Variants in AOX1 observed in about 807,000 individuals in gnomAD.
AOX1 encodes aldehyde oxidase 1, also known as aldehyde oxidase.
In AOX1, 153 loss-of-function variants were observed where a neutral mutation model predicts 169.5. That is an observed-to-expected ratio of 0.90 (90% CI 0.79 to 1.03). The LOEUF (loss-of-function observed/expected upper bound fraction) is 1.03, where lower values mean the gene tolerates loss of function less well. Among genes scored for constraint, AOX1 ranks in the 50% least tolerant of loss-of-function variants. The probability of loss-of-function intolerance (pLI) is 0.00; values close to 1 mark genes in which losing one functional copy is unlikely to be tolerated. For missense variants in AOX1, 1,656 were observed against 1,663.9 expected (o/e 1.00, Z 0.08); for synonymous variants, 562 against 581.9 (o/e 0.97, Z 0.49).
chr2:200,604,466 G>A (rs748132984), intron 8 of AOX1, among the ~76,000 whole-genome samples: 7 of 152,208 alleles, frequency 4.6e-5, no homozygotes, highest in African/African-American at 1.4e-4. Flanking sequence ...TGTTCTTTGA[G>A]ACAAGAGCAC....
downstream of AOX1, chr2:200,678,186 A>T (rs1435533211): frequency 6.6e-6 from 1 of 152,228 alleles, no homozygotes; most frequent in Non-Finnish European, 1.5e-5. Flanking sequence ...GGATACCAAA[A>T]GAATGCTATT....
At chr2:200,673,605 C>G (rs1275029714), downstream of AOX1, among the ~76,000 whole-genome samples, 2 of 152,224 alleles carry the variant, frequency 1.3e-5, no homozygotes, top group East Asian at 3.8e-4. Context: ...TCCTTCCAAC[C>G]ATTCTCACAT....
At chr2:200,617,513 A>T (rs1215937777) in intron 16 of AOX1, among the ~76,000 whole-genome samples, 1 of 146,678 alleles carries the variant, frequency 6.8e-6, no homozygotes, top group Non-Finnish European at 1.5e-5. Context: ...AAAATGTATG[A>T]TATCTTTGAC....
chr2:200,661,421 C>T (rs2035826898), intron 29 of AOX1, among the ~76,000 whole-genome samples, 158 bp from the exon 30 acceptor site: 1 of 152,210 alleles, frequency 6.6e-6, no homozygotes, highest in Non-Finnish European at 1.5e-5. Context: ...CCGTGAACCA[C>T]AGAGGAGAAA....
chr2:200,669,919 G>A (rs535964952), intron 34 of AOX1, among the ~76,000 whole-genome samples, 177 bp downstream of exon 34: 3 of 152,104 alleles, frequency 2.0e-5, no homozygotes, highest in South Asian at 2.1e-4. Flanking sequence ...TGTACCCCTC[G>A]GGTTGCATTT....
At chr2:200,602,372 G>A in intron 6 of AOX1, 27 bp downstream of exon 6, 1 of 1,605,590 alleles carries the variant, frequency 6.2e-7, no homozygotes, top group Non-Finnish European at 8.5e-7. Flanking sequence ...ACATGTTTGA[G>A]TATGTTTTCC....
At chr2:200,603,620 A>G (rs2034457166) in intron 7 of AOX1, among the ~76,000 whole-genome samples, 1 of 152,232 alleles carries the variant, frequency 6.6e-6, no homozygotes, top group Non-Finnish European at 1.5e-5. Flanking sequence ...AGCTTTTAAA[A>G]GCATTTTTTC....
At chr2:200,652,106 G>T (rs560045102) in intron 26 of AOX1, among the ~76,000 whole-genome samples, 1 of 152,264 alleles carries the variant, frequency 6.6e-6, no homozygotes, top group East Asian at 1.9e-4. Flanking sequence ...AGCTTCGAGA[G>T]GGGCGTTAGT....
Position 200,615,966 on chromosome 2 carries a change from T to C in AOX1, c.1612-5T>C. ...TAAAATATCTGCAATGGTTCTACTT[T>C]TCAGGATCCAGTTCACTATCCTAGC... On this transcript the variant is annotated splice_polypyrimidine_tract_variant and splice_region_variant and intron_variant, in intron 15 of 34. Coordinates refer to ENST00000374700, the MANE Select transcript of AOX1 (RefSeq NM_001159.4). 6.2e-7 allele frequency: 1 copy of C among 1,608,768 alleles called. No homozygotes were observed. The highest frequency in any genetic ancestry group is 8.5e-7 in the Non-Finnish European group (1 of 1,175,312).
At chr2:200,611,886 G>T (rs760853222) in intron 13 of AOX1, among the ~76,000 whole-genome samples, 1 of 151,824 alleles carries the variant, frequency 6.6e-6, no homozygotes. Context: ...TGCATTTTTA[G>T]TAGAGACGGG....
Position 200,611,432 on chromosome 2 carries a change from C to G in AOX1, c.1202C>G (p.Pro401Arg), listed in dbSNP as rs2034638875. 6.2e-7 allele frequency: 1 copy of G among 1,614,010 alleles called. No homozygotes were observed. The highest frequency in any genetic ancestry group is 8.5e-7 in the Non-Finnish European group (1 of 1,179,928). ...AATGAGCAATTCCTCAGCAAGTGCC[C>G]TAATGCAGATCTTAAGCCTCAAGAA... ...PLNEQFLSKC[P>R]NADLKPQEIL... Residue 401 changes from proline (P) to arginine (R), a missense_variant, in exon 13 of 35, where the codon CCT becomes CGT. Coordinates refer to ENST00000374700, the MANE Select transcript of AOX1 (RefSeq NM_001159.4).
intron 27 of AOX1, among the ~76,000 whole-genome samples, chr2:200,657,886 C>T (rs1160884939): frequency 1.3e-5 from 2 of 152,144 alleles, no homozygotes; most frequent in African/African-American, 4.8e-5. Context: ...TACATCTTGT[C>T]TTTTTTGCTT....
intron 10 of AOX1, among the ~76,000 whole-genome samples, chr2:200,608,320 C>T (rs759224452): frequency 1.3e-5 from 2 of 152,154 alleles, no homozygotes; most frequent in Non-Finnish European, 1.5e-5. Flanking sequence ...ATGAAGGATA[C>T]GGTGCTAAGT....
intron 3 of AOX1, 82 bp from the exon 4 acceptor site, chr2:200,597,315 G>C: frequency 1.0e-6 from 1 of 961,054 alleles, no homozygotes; most frequent in Non-Finnish European, 1.5e-6. Flanking sequence ...TGCCACAGTG[G>C]AGAAGCTCAG....
intron 3 of AOX1, among the ~76,000 whole-genome samples, chr2:200,596,366 G>A (rs566587989): frequency 6.6e-6 from 1 of 152,310 alleles, no homozygotes; most frequent in East Asian, 1.9e-4. Flanking sequence ...TCTAGGGAGT[G>A]GCGACTACCC....
At chr2:200,603,192 T>C (rs2034449930) in intron 6 of AOX1, 75 bp from the exon 7 acceptor site, 1 of 1,152,706 alleles carries the variant, frequency 8.7e-7, no homozygotes, top group Non-Finnish European at 1.3e-6. Flanking sequence ...ATGTTTCAAC[T>C]GGCATTCACC....
At chr2:200,673,396 A>G (rs1050941828), downstream of AOX1, among the ~76,000 whole-genome samples, 6 of 152,326 alleles carry the variant, frequency 3.9e-5, 1 homozygote, top group South Asian at 1.0e-3. Flanking sequence ...GAAACGGGAA[A>G]TGATCTGAGG....
chr2:200,608,866 C>T (rs2105705294), intron 10 of AOX1, 118 bp from the exon 11 acceptor site: 2 of 865,586 alleles, frequency 2.3e-6, no homozygotes, highest in Non-Finnish European at 3.6e-6. Context: ...CCACCATCAC[C>T]AATAAGCAGG....
In AOX1 at chr2:200,650,899, C is replaced by G. The variant is rs1012517086; in HGVS notation, c.2848-75C>G. On this transcript the variant is annotated intron_variant, in intron 25 of 34. Transcript: ENST00000374700. ...CCTTACAGGATGGGCAGAATTTGAC[C>G]AGGAGGATGGTGAATGGATGAGCCT... 7.1e-5 allele frequency: 98 copies of G among 1,387,480 alleles called. 2 individuals carry two copies. Among genetic ancestry groups the G allele is most frequent in the Non-Finnish European group, 4.5e-5 (45 of 997,234 alleles). 85.9% of individuals were successfully genotyped at this position (1,387,480 alleles called of 1,614,324 possible). A position where few individuals can be genotyped will look rare whatever the true frequency, so the allele number is the denominator to read the frequency against.
Sources: gnomAD v4.1 joint callset for allele counts (sites outside exome capture counted in the v4.1 genomes callset) on GRCh38, gnomAD v4.1.1 for gene constraint, MANE v1.5 for transcripts, NCBI Gene and HGNC (gene_info 2026-07-23, HGNC 2026-07-21) for gene names.